Variants in CRHR2 observed in about 807,000 individuals in gnomAD.
CRHR2 encodes corticotropin-releasing hormone receptor 2.
A neutral mutation model predicts 57.9 loss-of-function variants in CRHR2; 53 were observed. That is an observed-to-expected ratio of 0.92 (90% confidence interval 0.73 to 1.15). The LOEUF (loss-of-function observed/expected upper bound fraction) is 1.15, where lower values mean the gene tolerates loss of function less well. CRHR2 is among the 50% of genes most tolerant of loss of function. The pLI is 0.00. For synonymous variants in CRHR2, 213 were observed against 220.9 expected (o/e 0.96, Z 0.32); for missense variants, 532 against 542.6 (o/e 0.98, Z 0.19).
intron 2 of CRHR2, among the ~76,000 whole-genome samples, chr7:30,677,812 A>G (rs932790111): frequency 2.0e-5 from 3 of 152,236 alleles, no homozygotes; most frequent in African/African-American, 7.2e-5. Context: ...GCTCACGCCT[A>G]TACTCCCAGC....
In CRHR2 at chr7:30,665,387, T is replaced by A; in HGVS notation, c.425+143A>T. ...ACATGCCTGCTGGTGATTCATGCCC[T>A]GGCACCCCACCCAAACCCCACTTTC... On this transcript the variant is annotated intron_variant, in intron 4 of 11. Transcript: ENST00000471646. The surrounding 1 kb of genome is among the most constrained non-coding windows in gnomAD (Gnocchi z 4.5). 2 of 849,698 alleles carry A rather than the reference T, an allele frequency of 2.4e-6. No homozygotes were observed. Among genetic ancestry groups the A allele is most frequent in the Non-Finnish European group, 3.8e-6 (2 of 533,226 alleles). The allele number at this position is 849,698 out of a possible 1,614,324, so 52.6% of individuals were successfully genotyped here.
chr7:30,663,856 C>G (rs578143439), intron 5 of CRHR2, among the ~76,000 whole-genome samples: 2 of 152,340 alleles, frequency 1.3e-5, no homozygotes, highest in South Asian at 4.1e-4. Context: ...AGCTGTGCGT[C>G]AGGGGCTCTG....
rs186006788 is a variant in CRHR2 at position 30,687,722 on chromosome 7, G to A, written c.-166-1107C>T. On this transcript the variant is annotated intron_variant, in intron 2 of 13. Transcript: ENST00000341843. The stretch of plus-strand genomic sequence containing the variant: ...GCTGCACTCAGAGCGGGGACCATCC[G>A]CCAAGGGAGACAGGGAAGGGTCTGT... Among the ~76,000 whole-genome samples, 23 of 152,308 alleles carry A rather than the reference G, an allele frequency of 1.5e-4. No individual in the cohort carries two copies. The South Asian group carries it at 2.9e-3, about 19-fold the overall frequency.
intron 11 of CRHR2, chr7:30,654,654 G>A: frequency 2.0e-6 from 3 of 1,526,022 alleles, no homozygotes; most frequent in Non-Finnish European, 2.6e-6. Flanking sequence ...CAGGTAGCGG[G>A]GGAATGTGCT....
intron 8 of CRHR2, among the ~76,000 whole-genome samples, chr7:30,658,578 A>C (rs145743682): frequency 0.02 from 3,033 of 152,314 alleles, 90 homozygotes; most frequent in African/African-American, 0.069. Flanking sequence ...CATGGCTCAA[A>C]TTTTGACTGT....
intron 2 of CRHR2, among the ~76,000 whole-genome samples, chr7:30,675,761 T>C (rs1362591209): frequency 6.6e-6 from 1 of 152,250 alleles, no homozygotes; most frequent in Non-Finnish European, 1.5e-5. Context: ...TGTGCTATTT[T>C]ACTTGGGAGC....
Position 30,689,423 on chromosome 7 carries a change from T to C in CRHR2, c.-260-139A>G, listed in dbSNP as rs1025761230. The C allele has an allele frequency of 6.9e-6, 5 of 724,622 alleles. No individual in the cohort carries two copies. The African/African-American group carries it at 8.8e-5, about 13-fold the overall frequency. 44.9% of individuals were successfully genotyped at this position (724,622 alleles called of 1,614,324 possible). On this transcript the variant is annotated intron_variant, in intron 1 of 13. Transcript: ENST00000341843. ...GGGAGAACAAGGAGGGAGATGCCCA[T>C]GGCCACATGGAGCAGCAGCAGTCTG...
intron 10 of CRHR2, 147 bp from the exon 11 acceptor site, chr7:30,655,227 C>A: frequency 1.1e-6 from 1 of 906,098 alleles, no homozygotes. Flanking sequence ...GTCCTAGCCT[C>A]AGGGTGCAGA....
Position 30,671,558 on chromosome 7 carries a change from G to A in CRHR2, c.230-4245C>T, listed in dbSNP as rs140644228. On this transcript the variant is annotated intron_variant, in intron 2 of 11. Transcript: ENST00000471646. ...CTCATGCCTGTAATCCCAACATTTT[G>A]GGAGACCAAGGCAGGTGAATTGCTT... 9.9e-4 allele frequency among the ~76,000 whole-genome samples: 149 copies of A among 150,396 alleles called. 1 individual carries two copies. Among genetic ancestry groups the A allele is most frequent in the African/African-American group, 3.5e-3 (142 of 40,800 alleles).
At chr7:30,695,775 T>TA (rs1200468264) in intron 1 of CRHR2, among the ~76,000 whole-genome samples, 1 of 152,308 alleles carries the variant, frequency 6.6e-6, no homozygotes, top group Non-Finnish European at 1.5e-5. Flanking sequence ...AAAATTTTGT[T>TA]AAAGGAAAGG....
intron 5 of CRHR2, among the ~76,000 whole-genome samples, chr7:30,663,777 C>T (rs571393521): frequency 3.9e-5 from 6 of 152,372 alleles, no homozygotes; most frequent in Admixed American, 3.3e-4. Flanking sequence ...CCCACAGGCT[C>T]ATCCCCAGGG....
At chr7:30,698,492 G>A (rs939606424) in intron 1 of CRHR2, among the ~76,000 whole-genome samples, 1 of 152,198 alleles carries the variant, frequency 6.6e-6, no homozygotes, top group Non-Finnish European at 1.5e-5. Context: ...GTGGGAGAGG[G>A]CAAGAGAGCT....
intron 2 of CRHR2, among the ~76,000 whole-genome samples, chr7:30,680,953 C>A (rs561318706): frequency 2.2e-4 from 33 of 152,082 alleles, no homozygotes; most frequent in African/African-American, 8.0e-4. Flanking sequence ...CAGATAGGGT[C>A]TCAGCGTGCT....
Position 30,662,723 on chromosome 7 carries a change from CG to C in CRHR2, c.667del (p.Arg223AlafsTer55), listed in dbSNP as rs1562796564. 1 of 1,614,124 alleles carries C rather than the reference CG, an allele frequency of 6.2e-7. No homozygotes were observed. The highest frequency in any genetic ancestry group is 1.1e-5 in the South Asian group (1 of 91,080). On this transcript the variant is annotated frameshift_variant, in exon 6 of 12. Coordinates refer to ENST00000471646, the MANE Select transcript of CRHR2 (RefSeq NM_001883.5). LOFTEE classifies it high-confidence loss of function. ...IVMTYSTERLRKCLFLFIGWC... is the reference protein window; with the variant it reads ...IVMTYSTERLXKCLFLFIGWC... The stretch of plus-strand genomic sequence containing the variant: ...TCCGATGAAGAGGAAGAGGCACTTG[CG>C]CAGGCGCTCAGTGGAGTAGGTCATG...
chr7:30,682,106 C>G, intron 1 of CRHR2, 66 bp from the exon 2 acceptor site: 5 of 1,539,474 alleles, frequency 3.2e-6, no homozygotes, highest in Non-Finnish European at 4.4e-6. Flanking sequence ...TCTCGGAGCG[C>G]GGGGTCAGGG....
At chr7:30,677,513 T>A (rs2128146673) in intron 2 of CRHR2, among the ~76,000 whole-genome samples, 1 of 152,240 alleles carries the variant, frequency 6.6e-6, no homozygotes, top group South Asian at 2.1e-4. Flanking sequence ...TATATGGACA[T>A]TTAGGATTGT....
chr7:30,653,539 G>A lies in CRHR2; in HGVS notation c.1157C>T (p.Pro386Leu), dbSNP rs1783663727. ...RWQDHHSLRVPMARAMSIPTS... is the reference protein window; with the variant it reads ...RWQDHHSLRVLMARAMSIPTS... ...AGGGATGGACATGGCCCGGGCCATG[G>A]GGACTCGAAGGGAGTGATGGTCCTG... Residue 386 changes from proline to leucine, a missense_variant, in exon 12 of 12, where the codon CCC becomes CTC. Physicochemically the swap from Pro to Leu is moderately conservative, Grantham distance 98 (BLOSUM62 -3). Transcript: ENST00000471646. This position sits in a 1 kb window ranked among gnomAD's most constrained non-coding sequence, Gnocchi z 5.0. 1 of 1,613,412 alleles carries A rather than the reference G, an allele frequency of 6.2e-7. No individual in the cohort carries two copies. The highest frequency in any genetic ancestry group is 8.5e-7 in the Non-Finnish European group (1 of 1,179,938).
At chr7:30,696,402 C>G (rs995893302) in intron 1 of CRHR2, among the ~76,000 whole-genome samples, 5 of 152,066 alleles carry the variant, frequency 3.3e-5, no homozygotes, top group African/African-American at 1.2e-4. Flanking sequence ...AATATATATA[C>G]CTACTATGTA....
In CRHR2 at chr7:30,653,234, G is replaced by A; in HGVS notation, c.*226C>T. On this transcript the variant is annotated 3_prime_UTR_variant, in exon 12 of 12. Coordinates refer to ENST00000471646, the MANE Select transcript of CRHR2 (RefSeq NM_001883.5). The surrounding 1 kb of genome is among the most constrained non-coding windows in gnomAD (Gnocchi z 5.0). The stretch of plus-strand genomic sequence containing the variant: ...ACATCTGACTGGCTCTTCTCAGGGG[G>A]TCCTGTGAATTCCCTCTGCTTCCTC... 3 of 562,796 alleles carry A rather than the reference G, an allele frequency of 5.3e-6. No individual in the cohort carries two copies. The highest frequency in any genetic ancestry group is 9.2e-6 in the Non-Finnish European group (3 of 326,054). The allele number at this position is 562,796 out of a possible 1,614,324, so 34.9% of individuals were successfully genotyped here.
Sources: gnomAD v4.1 joint callset for allele counts (sites outside exome capture counted in the v4.1 genomes callset) on GRCh38, gnomAD v4.1.1 for gene constraint, Gnocchi (gnomAD v3.1) non-coding constraint, MANE v1.5 for transcripts, NCBI Gene and HGNC (gene_info 2026-07-23, HGNC 2026-07-21) for gene names.